Variants in ADCY5 observed in about 807,000 individuals in gnomAD.
The protein encoded by ADCY5 is adenylate cyclase 5, also known as adenylate cyclase type 5.
A neutral mutation model predicts 119.7 loss-of-function variants in ADCY5; 30 were observed. The observed-to-expected ratio is 0.25, with a 90% CI of 0.19 to 0.34. The LOEUF (loss-of-function observed/expected upper bound fraction) is 0.34. Among genes scored for constraint, ADCY5 ranks in the 10% least tolerant of loss-of-function variants. The pLI is 1.00. For synonymous variants in ADCY5, 753 were observed against 762.2 expected, an observed-to-expected ratio of 0.99 and a Z score of 0.20; for missense variants, 1,324 against 1,775.2, an observed-to-expected ratio of 0.75 and a Z score of 4.57.
chr3:123,447,371 C>T (rs1945838109), intron 1 of ADCY5, 41 bp downstream of exon 1: 2 of 1,470,528 alleles, frequency 1.4e-6, no homozygotes, highest in Non-Finnish European at 1.8e-6. Context: ...TGAGGCCTGC[C>T]CGCCCCGCAA....
chr3:123,285,890 G>A (rs1209891803), intron 20 of ADCY5, among the ~76,000 whole-genome samples: 1 of 152,232 alleles, frequency 6.6e-6, no homozygotes, highest in Non-Finnish European at 1.5e-5. Context: ...GACTGTGCTT[G>A]GGGTCAGGCC....
chr3:123,443,152 G>A (rs1945751673), intron 1 of ADCY5, among the ~76,000 whole-genome samples: 1 of 152,206 alleles, frequency 6.6e-6, no homozygotes, highest in African/African-American at 2.4e-5. Flanking sequence ...AGAGCAAGGT[G>A]GCAGCTCTTC....
chr3:123,435,927 G>A (rs1423584511), intron 1 of ADCY5, among the ~76,000 whole-genome samples: 2 of 147,950 alleles, frequency 1.4e-5, no homozygotes, highest in Non-Finnish European at 1.5e-5. Context: ...GTCTTGCTCT[G>A]TCACCTGGGC....
chr3:123,316,898 GA>G (rs1353942382), intron 11 of ADCY5, among the ~76,000 whole-genome samples: 2 of 152,024 alleles, frequency 1.3e-5, no homozygotes, highest in Non-Finnish European at 2.9e-5. Context: ...AAAAATAGAT[GA>G]AAAAAACACT....
intron 3 of ADCY5, among the ~76,000 whole-genome samples, chr3:123,346,566 A>T (rs2108474714): frequency 6.7e-6 from 1 of 150,080 alleles, no homozygotes; most frequent in South Asian, 2.1e-4. Context: ...CTGCCTGAAG[A>T]AAACAGTGCT....
At chr3:123,426,716 C>T (rs1945423486) in intron 1 of ADCY5, among the ~76,000 whole-genome samples, 1 of 152,138 alleles carries the variant, frequency 6.6e-6, no homozygotes, top group Admixed American at 6.5e-5. Context: ...CAGGCAGCCC[C>T]TGAGAAAGGA....
At position 123,377,823 on chromosome 3, in the gene ADCY5, G is replaced by A. The variant is rs1010490950; in HGVS notation, c.1135-25242C>T. Among the ~76,000 whole-genome samples the A allele has an allele frequency of 3.3e-5, 5 of 151,598 alleles. No individual in the cohort carries two copies. The East Asian group carries it at 5.8e-4, about 18-fold the overall frequency. On this transcript the variant is annotated intron_variant, in intron 1 of 20. Transcript: ENST00000462833. ...TGTGTGCCTGTAGTCCCAGCTACTC[G>A]GGAGGCTGAGACAGAAGAATCACTT...
chr3:123,302,959 ACCCTG>A, intron 14 of ADCY5, 91 bp downstream of exon 14: 6 of 1,432,544 alleles, frequency 4.2e-6, no homozygotes, highest in South Asian at 3.9e-5. Flanking sequence ...AGCTGGTGAG[ACCCTG>A]TCCTTCAGAC....
At chr3:123,435,032 C>T (rs1011380179) in intron 1 of ADCY5, among the ~76,000 whole-genome samples, 1 of 152,206 alleles carries the variant, frequency 6.6e-6, no homozygotes. Flanking sequence ...CACCTATAAT[C>T]CCAGCACTTT....
intron 11 of ADCY5, among the ~76,000 whole-genome samples, chr3:123,316,688 T>C (rs1940926949): frequency 6.6e-6 from 1 of 152,160 alleles, no homozygotes; most frequent in Admixed American, 6.5e-5. Flanking sequence ...TGGCTACAAA[T>C]AAACTAAAAG....
chr3:123,354,154 T>C (rs1160198113), intron 1 of ADCY5, among the ~76,000 whole-genome samples: 1 of 152,222 alleles, frequency 6.6e-6, no homozygotes, highest in Non-Finnish European at 1.5e-5. Context: ...AAAGCCAACC[T>C]ATTTATCATA....
intron 1 of ADCY5, among the ~76,000 whole-genome samples, chr3:123,446,822 T>C (rs957783975): frequency 6.6e-6 from 1 of 152,126 alleles, no homozygotes; most frequent in African/African-American, 2.4e-5. Context: ...AAGGGCAGGT[T>C]TTTGGCTTGG....
intron 12 of ADCY5, among the ~76,000 whole-genome samples, chr3:123,308,094 CAT>C (rs1940306006): frequency 1.5e-5 from 2 of 129,956 alleles, no homozygotes; most frequent in Admixed American, 9.7e-5. Flanking sequence ...AGTGCAGTGG[CAT>C]GGTCTCGGCT....
intron 1 of ADCY5, among the ~76,000 whole-genome samples, chr3:123,373,747 A>T (rs1943716145): frequency 7.1e-6 from 1 of 140,136 alleles, no homozygotes; most frequent in African/African-American, 2.6e-5. Context: ...CCAACAGGCC[A>T]GAAGCATCAC....
At chr3:123,350,567 G>A (rs896221510) in intron 2 of ADCY5, among the ~76,000 whole-genome samples, 3 of 152,188 alleles carry the variant, frequency 2.0e-5, no homozygotes, top group African/African-American at 4.8e-5. Context: ...GCAGGGGGCC[G>A]CTGAGGAACA....
chr3:123,317,989 G>T (rs1203852532), intron 11 of ADCY5, 31 bp downstream of exon 11: 6 of 1,588,538 alleles, frequency 3.8e-6, no homozygotes, highest in Non-Finnish European at 5.2e-6. Context: ...GCAGCCAGAG[G>T]AAGGAGCCCA....
rs6148049 is a variant in ADCY5 at position 123,358,155 on chromosome 3, C to CGTGTGTGTGTGTGTGTGTGTGT, written c.1135-5596_1135-5575dup. 4.3e-4 allele frequency among the ~76,000 whole-genome samples: 60 copies of CGTGTGTGTGTGTGTGTGTGTGT among 140,968 alleles called. 1 individual carries two copies. The highest frequency in any genetic ancestry group is 3.5e-3 in the Middle Eastern group (1 of 282). 92.5% of individuals were successfully genotyped at this position (140,968 alleles called of 152,430 possible). On this transcript the variant is annotated intron_variant, in intron 1 of 20. Transcript: ENST00000462833. The stretch of plus-strand genomic sequence containing the variant: ...GGGACACATCTAACCACATGGAACA[C>CGTGTGTGTGTGTGTGTGTGTGT]GTGTGTGTGTGTGTGTGTGTGTGTG...
rs1348978380 is a variant in ADCY5 at position 123,447,717 on chromosome 3, C to G, written c.829G>C (p.Ala277Pro). Residue 277 changes from alanine (A) to proline (P), a missense_variant, in exon 1 of 21, where the codon GCC (alanine) becomes CCC (proline). By Grantham distance (27) the Ala-to-Pro change is conservative (BLOSUM62 -1). Coordinates refer to ENST00000462833, the MANE Select transcript of ADCY5 (RefSeq NM_183357.3). ...GCCATGATGAGGATCACGCCGACGG[C>G]GGCCGCCAGCACGGCCAGGTAGGGC... Reference protein sequence around the residue: ...QLPYLAVLAAAVGVILIMAVL... With the variant: ...QLPYLAVLAAPVGVILIMAVL... The G allele has an allele frequency of 1.9e-6, 3 of 1,598,070 alleles. No individual in the cohort carries two copies. Among genetic ancestry groups the G allele is most frequent in the Non-Finnish European group, 1.7e-6 (2 of 1,170,834 alleles).
intron 1 of ADCY5, among the ~76,000 whole-genome samples, chr3:123,381,460 G>A (rs1165138078): frequency 6.6e-6 from 1 of 152,222 alleles, no homozygotes; most frequent in Non-Finnish European, 1.5e-5. Context: ...CTCTACACTT[G>A]CACGACATTG....
Sources: gnomAD v4.1 joint callset for allele counts (sites outside exome capture counted in the v4.1 genomes callset) on GRCh38, gnomAD v4.1.1 for gene constraint, MANE v1.5 for transcripts, NCBI Gene and HGNC (gene_info 2026-07-23, HGNC 2026-07-21) for gene names.